MYH11: variants seen among roughly 807,000 people sequenced by gnomAD.
The protein encoded by MYH11 is myosin heavy chain 11, also known as myosin-11.
MYH11 carries 80 observed loss-of-function variants against 246.6 expected under a neutral mutation model. The ratio of observed to expected loss-of-function variants is 0.32; its 90% CI spans 0.27 to 0.39. The LOEUF is 0.39. MYH11 is among the 10% of genes least tolerant of loss of function. The probability of loss-of-function intolerance (pLI) is 1.00; values close to 1 mark genes in which losing one functional copy is unlikely to be tolerated. For missense variants in MYH11, 2,158 were observed against 2,546.8 expected, an observed-to-expected ratio of 0.85 and a Z score of 3.29; for synonymous variants, 1,071 against 1,015.5, an observed-to-expected ratio of 1.05 and a Z score of -1.04.
rs541234142 is a variant in MYH11 at position 15,831,382 on chromosome 16, CAG to C, written c.345+6524_345+6525del. Among the ~76,000 whole-genome samples, 18 of 151,450 alleles carry C rather than the reference CAG, an allele frequency of 1.2e-4. No homozygotes were observed. The East Asian group carries it at 2.7e-3, about 23-fold the overall frequency. On this transcript the variant is annotated intron_variant, in intron 2 of 40. Coordinates refer to ENST00000300036, the MANE Select transcript of MYH11 (RefSeq NM_002474.3). ...GTCTGACTAGATAGTTATGAACAGA[CAG>C]AAAAAACTATAAGGTAGGGTTAAGT...
intron 1 of MYH11, among the ~76,000 whole-genome samples, chr16:15,848,285 T>C (rs2044249426): frequency 7.0e-6 from 1 of 143,478 alleles, no homozygotes; most frequent in African/African-American, 2.6e-5. Context: ...CAGGCTGGAG[T>C]GCAGTGACGC....
At chr16:15,738,354 TA>T in intron 24 of MYH11, among the ~76,000 whole-genome samples, 1 of 150,402 alleles carries the variant, frequency 6.6e-6, no homozygotes, top group Non-Finnish European at 1.5e-5. Context: ...AAATAAAAAA[TA>T]AAAAAAAATT....
At chr16:15,816,480 C>T (rs960655199) in intron 3 of MYH11, among the ~76,000 whole-genome samples, 1 of 152,096 alleles carries the variant, frequency 6.6e-6, no homozygotes, top group African/African-American at 2.4e-5. Context: ...AAAATAGTCA[C>T]AAAGCAGTGC....
Position 15,734,289 on chromosome 16 carries a change from T to G in MYH11, c.3506+1077A>C, listed in dbSNP as rs1028700434. ...TGTTAACTGGTGTGACTAAGGGTGA[T>G]TTTTTTGTTTTTTGTTTTTTTTTGA... is the stretch of plus-strand genomic sequence containing the variant. On this transcript the variant is annotated intron_variant, in intron 26 of 40. Transcript: ENST00000300036. Among the ~76,000 whole-genome samples the G allele has an allele frequency of 2.8e-5, 4 of 142,632 alleles. No individual in the cohort carries two copies. The East Asian group carries it at 8.6e-4, about 31-fold the overall frequency. The allele number at this position is 142,632 out of a possible 152,430, so 93.6% of individuals were successfully genotyped here. A position where few individuals can be genotyped will look rare whatever the true frequency, so the allele number is the denominator to read the frequency against.
rs756744383 is a variant in MYH11 at position 15,757,977 on chromosome 16, G to A, written c.1425C>T (p.Cys475=). The change falls in exon 13 of 41, where the codon TGC becomes TGT. Residue 475 remains cysteine (C), a synonymous_variant. Coordinates refer to ENST00000300036, the MANE Select transcript of MYH11 (RefSeq NM_002474.3). ...GCAGCTTCTCGTTGGTGTAGTTGAT[G>A]CACAGCTGCTCGAAGGAGTTCACCT... ...IFEVNSFEQL[C]INYTNEKLQQ... The A allele has an allele frequency of 6.2e-7, 1 of 1,614,136 alleles. No homozygotes were observed. The highest frequency in any genetic ancestry group is 8.5e-7 in the Non-Finnish European group (1 of 1,180,040).
chr16:15,809,706 T>C (rs1269129527), intron 3 of MYH11, among the ~76,000 whole-genome samples: 2 of 152,104 alleles, frequency 1.3e-5, no homozygotes, highest in African/African-American at 4.8e-5. Context: ...GTGGATTGCT[T>C]GGGCTCAGGA....
At chr16:15,764,191 A>C (rs963326433) in intron 9 of MYH11, among the ~76,000 whole-genome samples, 2 of 152,176 alleles carry the variant, frequency 1.3e-5, no homozygotes, top group Non-Finnish European at 2.9e-5. Flanking sequence ...GTCTGTAACT[A>C]TTTGCATGCT....
chr16:15,833,921 G>A (rs767720758), intron 2 of MYH11, among the ~76,000 whole-genome samples: 70 of 152,238 alleles, frequency 4.6e-4, no homozygotes, highest in Non-Finnish European at 9.1e-4. Context: ...TGACCAGAAA[G>A]GAACAAGAGA....
intron 17 of MYH11, 45 bp from the exon 18 acceptor site, chr16:15,747,988 AT>A (rs1340606444): frequency 2.5e-6 from 4 of 1,614,106 alleles, no homozygotes; most frequent in Non-Finnish European, 3.4e-6. Context: ...TCCAGCATCC[AT>A]TCCTCCACCC....
Position 15,806,132 on chromosome 16 carries a change from C to A in MYH11, c.503-7445G>T, listed in dbSNP as rs141692335. On this transcript the variant is annotated intron_variant, in intron 3 of 40. Transcript: ENST00000300036. ...TCTCTACTAAAAATACAAAAATTAG[C>A]CAGGTGTGGTGGCACGTGCCTATAG... Among the ~76,000 whole-genome samples, 913 of 151,576 alleles carry A rather than the reference C, an allele frequency of 6.0e-3. 6 individuals carry two copies. The highest frequency in any genetic ancestry group is 0.019 in the African/African-American group (778 of 41,330).
chr16:15,705,753 G>A (rs184356470), intron 40 of MYH11, among the ~76,000 whole-genome samples: 57 of 152,068 alleles, frequency 3.7e-4, no homozygotes, highest in African/African-American at 1.3e-3. Flanking sequence ...AGGCTGAGGC[G>A]GGCGGATCAT....
chr16:15,771,344 T>C (rs1371781118), intron 9 of MYH11, among the ~76,000 whole-genome samples: 1 of 152,050 alleles, frequency 6.6e-6, no homozygotes, highest in East Asian at 1.9e-4. Context: ...TTCCCTTTGG[T>C]TTAAGCCAGC....
At chr16:15,763,261 C>T (rs1043521441) in intron 10 of MYH11, among the ~76,000 whole-genome samples, 7 of 152,140 alleles carry the variant, frequency 4.6e-5, no homozygotes, top group South Asian at 2.1e-4. Context: ...CCACAGATAC[C>T]GTAAGAAGAG....
intron 2 of MYH11, among the ~76,000 whole-genome samples, chr16:15,830,554 G>C (rs2151373752): frequency 6.6e-6 from 1 of 152,256 alleles, no homozygotes; most frequent in Admixed American, 6.5e-5. Context: ...GGGTGCAGGA[G>C]GGGCTCTCTA....
Position 15,704,054 on chromosome 16 carries a change from A to G in MYH11, c.5856T>C (p.Asp1952=), listed in dbSNP as rs2039322179. ...GAGTGTCCGTTTCCTCCTCAGAACC[A>G]TCTGCATTTTCAATAACTCTACGTC... ...SGGRRVIENA[D]GSEEETDTRD... The change falls in exon 41 of 41, where the codon GAT becomes GAC. Residue 1952 remains aspartate (D), a synonymous_variant. Coordinates refer to ENST00000300036, the MANE Select transcript of MYH11 (RefSeq NM_002474.3). 6 of 1,614,122 alleles carry G rather than the reference A, an allele frequency of 3.7e-6. No individual in the cohort carries two copies. The highest frequency in any genetic ancestry group is 5.1e-6 in the Non-Finnish European group (6 of 1,180,026).
At chr16:15,790,315 C>A (rs1596843173) in intron 4 of MYH11, among the ~76,000 whole-genome samples, 1 of 127,724 alleles carries the variant, frequency 7.8e-6, no homozygotes, top group South Asian at 2.3e-4. Context: ...AAAAAACAAA[C>A]AAACAAACAA....
intron 1 of MYH11, among the ~76,000 whole-genome samples, chr16:15,847,843 C>T (rs895628477): frequency 2.0e-5 from 3 of 152,118 alleles, no homozygotes; most frequent in East Asian, 1.9e-4. Flanking sequence ...TGAGAAGCTT[C>T]GACTCATGCT....
At chr16:15,705,438 G>T (rs190582160) in intron 40 of MYH11, among the ~76,000 whole-genome samples, 60 of 152,260 alleles carry the variant, frequency 3.9e-4, no homozygotes, top group Non-Finnish European at 6.8e-4. Context: ...GGAAGAGAGT[G>T]GGCAGAAGAA....
At chr16:15,788,095 T>TTTTTTTTTTTTTCCA (rs11273419) in intron 4 of MYH11, among the ~76,000 whole-genome samples, 1 of 99,488 alleles carries the variant, frequency 1.0e-5, no homozygotes, top group African/African-American at 3.4e-5. Context: ...TTTTTTTTTT[T>TTTTTTTTTTTTTCCA]ACCAAGATGG....
Sources: gnomAD v4.1 joint callset for allele counts (sites outside exome capture counted in the v4.1 genomes callset) on GRCh38, gnomAD v4.1.1 for gene constraint, MANE v1.5 for transcripts, NCBI Gene and HGNC (gene_info 2026-07-23, HGNC 2026-07-21) for gene names.